Variants in KCNH1 observed in about 807,000 individuals in gnomAD.
KCNH1 encodes the protein voltage-gated delayed rectifier potassium channel KCNH1.
KCNH1 carries 27 observed loss-of-function variants against 69.2 expected under a neutral mutation model. That is an observed-to-expected ratio of 0.39 (90% CI 0.29 to 0.54). The LOEUF is 0.54. KCNH1 is among the 20% of genes least tolerant of loss of function. The probability of loss-of-function intolerance (pLI) is 0.68; values close to 1 mark genes in which losing one functional copy is unlikely to be tolerated. For missense variants in KCNH1, 798 were observed against 1,261.6 expected (o/e 0.63, Z 5.57); for synonymous variants, 456 against 487.7 (o/e 0.93, Z 0.86).
chr1:211,069,983 A>G lies in KCNH1; in HGVS notation c.558+12797T>C, dbSNP rs1405045349. 3.3e-5 allele frequency among the ~76,000 whole-genome samples: 5 copies of G among 152,344 alleles called. No homozygotes were observed. In the South Asian group the frequency reaches 1.0e-3, roughly 32 times the overall value. On this transcript the variant is annotated intron_variant, in intron 5 of 10. Transcript: ENST00000271751. The stretch of plus-strand genomic sequence containing the variant: ...TTGTGGGACAACTACAAAAGGTATA[A>G]CATACACATAATGAGAATATCAGAA...
chr1:210,863,146 A>T (rs1686017379), intron 7 of KCNH1, among the ~76,000 whole-genome samples: 1 of 152,194 alleles, frequency 6.6e-6, no homozygotes, highest in Admixed American at 6.5e-5. Flanking sequence ...GAGAAATTTT[A>T]AGTTTAGGGA....
At chr1:210,889,940 A>T (rs1261609302) in intron 7 of KCNH1, among the ~76,000 whole-genome samples, 3 of 152,226 alleles carry the variant, frequency 2.0e-5, no homozygotes, top group African/African-American at 7.2e-5. Flanking sequence ...GATAGGAAGA[A>T]TCAGTATCAT....
chr1:210,800,513 G>C (rs976175617), intron 8 of KCNH1, among the ~76,000 whole-genome samples: 3 of 152,198 alleles, frequency 2.0e-5, no homozygotes, highest in Non-Finnish European at 4.4e-5. Context: ...CATGCGCACT[G>C]TTCCCAGAGC....
chr1:210,860,666 T>G (rs1685958528), intron 7 of KCNH1: 1 of 778,900 alleles, frequency 1.3e-6, no homozygotes, highest in African/African-American at 1.7e-5. Flanking sequence ...ACAGGTCTGA[T>G]AAATGCTGTG....
chr1:210,705,351 G>A (rs1462218701), intron 10 of KCNH1, among the ~76,000 whole-genome samples: 6 of 152,166 alleles, frequency 3.9e-5, no homozygotes, highest in Non-Finnish European at 7.3e-5. Flanking sequence ...TCTCCTCCCT[G>A]GGGGTTTAAC....
intron 5 of KCNH1, among the ~76,000 whole-genome samples, chr1:211,064,762 A>G (rs546957939): frequency 6.6e-6 from 1 of 152,304 alleles, no homozygotes; most frequent in African/African-American, 2.4e-5. Flanking sequence ...AATATCCAAA[A>G]TAAATAAGGC....
At chr1:210,726,584 A>G (rs1359109157) in intron 10 of KCNH1, among the ~76,000 whole-genome samples, 2 of 152,194 alleles carry the variant, frequency 1.3e-5, no homozygotes, top group African/African-American at 4.8e-5. Flanking sequence ...TTTTCTGTGG[A>G]CAGAGCCTGT....
chr1:211,110,513 G>T (rs1433463573), intron 1 of KCNH1, among the ~76,000 whole-genome samples: 1 of 152,128 alleles, frequency 6.6e-6, no homozygotes, highest in East Asian at 1.9e-4. Context: ...AAATCTCATG[G>T]TCACATCATT....
chr1:210,916,822 A>G (rs887060103), intron 7 of KCNH1, among the ~76,000 whole-genome samples: 8 of 152,146 alleles, frequency 5.3e-5, no homozygotes, highest in African/African-American at 1.7e-4. Flanking sequence ...TACATAATGC[A>G]GAAGTGACTA....
intron 10 of KCNH1, among the ~76,000 whole-genome samples, chr1:210,739,792 C>T (rs550920603): frequency 1.5e-4 from 23 of 152,318 alleles, no homozygotes; most frequent in Non-Finnish European, 2.9e-4. Flanking sequence ...ACCTTAACTG[C>T]ATGACACACA....
chr1:211,095,376 G>C (rs1558602366), intron 3 of KCNH1, among the ~76,000 whole-genome samples: 2 of 152,136 alleles, frequency 1.3e-5, no homozygotes, highest in Non-Finnish European at 2.9e-5. Context: ...CTGCTGGGAG[G>C]GAGGCTTTTT....
At chr1:210,942,937 A>C (rs1384655885) in intron 6 of KCNH1, among the ~76,000 whole-genome samples, 7 of 152,220 alleles carry the variant, frequency 4.6e-5, no homozygotes, top group Admixed American at 4.6e-4. Flanking sequence ...TTTTTGTGGA[A>C]AAGTTGTATA....
At chr1:210,856,500 G>A (rs1198681480) in intron 7 of KCNH1, among the ~76,000 whole-genome samples, 1 of 151,898 alleles carries the variant, frequency 6.6e-6, no homozygotes, top group Non-Finnish European at 1.5e-5. Context: ...TAAAGCTAAA[G>A]AACACAAATG....
intron 7 of KCNH1, among the ~76,000 whole-genome samples, chr1:210,916,708 C>A (rs1687339052): frequency 6.6e-6 from 1 of 152,032 alleles, no homozygotes; most frequent in Admixed American, 6.5e-5. Flanking sequence ...TTGTCATGAG[C>A]AGAAAAAATT....
At chr1:210,978,942 A>G (rs1369372741) in intron 6 of KCNH1, among the ~76,000 whole-genome samples, 1 of 152,192 alleles carries the variant, frequency 6.6e-6, no homozygotes, top group Non-Finnish European at 1.5e-5. Flanking sequence ...AACAGCCTCA[A>G]AGTTGGTCAA....
chr1:210,929,457 G>T (rs549885421), intron 6 of KCNH1, among the ~76,000 whole-genome samples: 1 of 152,126 alleles, frequency 6.6e-6, no homozygotes, highest in African/African-American at 2.4e-5. Context: ...CACAGAAAAA[G>T]CATCTGACAA....
intron 8 of KCNH1, 75 bp from the exon 9 acceptor site, chr1:210,797,835 G>C: frequency 2.6e-6 from 4 of 1,527,296 alleles, no homozygotes; most frequent in Non-Finnish European, 3.6e-6. Flanking sequence ...GCACTCTAGG[G>C]GGAGGAGCAA....
At chr1:210,724,059 A>G (rs537347582) in intron 10 of KCNH1, among the ~76,000 whole-genome samples, 6 of 152,208 alleles carry the variant, frequency 3.9e-5, no homozygotes, top group Non-Finnish European at 5.9e-5. Flanking sequence ...AAATGTGACA[A>G]TAATAGTAGT....
intron 7 of KCNH1, chr1:210,858,645 A>G (rs1247841275): frequency 6.5e-6 from 1 of 154,498 alleles, no homozygotes; most frequent in Admixed American, 6.3e-5. Flanking sequence ...AAAAATGATG[A>G]AGATTGAATA....
Sources: gnomAD v4.1 joint callset for allele counts (sites outside exome capture counted in the v4.1 genomes callset) on GRCh38, gnomAD v4.1.1 for gene constraint, MANE v1.5 for transcripts, NCBI Gene and HGNC (gene_info 2026-07-23, HGNC 2026-07-21) for gene names.